TNXB: variants seen among roughly 807,000 people sequenced by gnomAD.
TNXB encodes the protein tenascin-X.
TNXB carries 183 observed loss-of-function variants against 340.5 expected under a neutral mutation model. That is an observed-to-expected ratio of 0.54 (90% confidence interval 0.48 to 0.61). TNXB has a LOEUF of 0.61. TNXB is among the 20% of genes least tolerant of loss of function. The probability of loss-of-function intolerance (pLI) is 0.00; values close to 1 mark genes in which losing one functional copy is unlikely to be tolerated. For synonymous variants in TNXB, 2,121 were observed against 2,314.5 expected (o/e 0.92, Z 2.40); for missense variants, 4,613 against 5,446.4 (o/e 0.85, Z 4.82).
chr6:32,083,486 T>C lies in TNXB; in HGVS notation c.3445+927A>G, dbSNP rs180937192. On this transcript the variant is annotated intron_variant, in intron 8 of 43. Transcript: ENST00000644971. This position sits in a 1 kb window ranked among gnomAD's most constrained non-coding sequence, Gnocchi z 4.6. ...TATTTATGTAAGTGTCTCTTAGATA[T>C]TGATCTAAGTTTATCTAAGGCGTTG... 7.2e-5 allele frequency among the ~76,000 whole-genome samples: 11 copies of C among 152,294 alleles called. No individual in the cohort carries two copies. The highest frequency in any genetic ancestry group is 4.6e-4 in the Admixed American group (7 of 15,300).
rs1235470292 is a variant in TNXB at position 32,070,157 on chromosome 6, G to A, written c.5248C>T (p.His1750Tyr). The change falls in exon 14 of 44, where the codon CAT becomes TAT. Residue 1750 changes from histidine (H) to tyrosine (Y), a missense_variant. Transcript: ENST00000644971. The surrounding 1 kb of genome is among the most constrained non-coding windows in gnomAD (Gnocchi z 6.0). The stretch of plus-strand genomic sequence containing the variant: ...GTGCCGTCGGCAGTGAGAGGGCCAT[G>A]GCGCTTCTTGCCCAGGAGGCCATAG... ...LLYGLLGKKR[H>Y]GPLTADGTTE... 6.9e-6 allele frequency: 11 copies of A among 1,596,298 alleles called. No individual in the cohort carries two copies. Among genetic ancestry groups the A allele is most frequent in the Non-Finnish European group, 7.7e-6 (9 of 1,169,462 alleles).
rs897473172 is a variant in TNXB at position 32,097,504 on chromosome 6, G to A, written c.404-55C>T. ...GTCTCTCTCCTGGGAGAGAGGCTGA[G>A]CCTATGTAGTGCTCCTATGTGCAGG... is the stretch of plus-strand genomic sequence containing the variant. On this transcript the variant is annotated intron_variant, in intron 2 of 43. Transcript: ENST00000644971. The surrounding 1 kb of genome is among the most constrained non-coding windows in gnomAD (Gnocchi z 5.9). 1.3e-6 allele frequency: 2 copies of A among 1,546,502 alleles called. No homozygotes were observed. The highest frequency in any genetic ancestry group is 1.8e-5 in the Admixed American group (1 of 56,476).
Position 32,050,138 on chromosome 6 carries a change from T to C in TNXB, c.9299A>G (p.Gln3100Arg), listed in dbSNP as rs538299027. Residue 3100 changes from glutamine to arginine, a missense_variant, in exon 27 of 44, where the codon CAG becomes CGG. Gln to Arg is a conservative substitution (Grantham distance 43). Transcript: ENST00000644971. ...CCCCGGCACCCGCACCGCCTTGGGC[T>C]GCCCATCCCCATTCCTGTACTGGAC... ...FLVQYRNGDGQPKAVRVPGHE... is the reference protein window; with the variant it reads ...FLVQYRNGDGRPKAVRVPGHE... 3.1e-6 allele frequency: 5 copies of C among 1,613,856 alleles called. No homozygotes were observed. The highest frequency in any genetic ancestry group is 1.7e-5 in the Admixed American group (1 of 60,030).
rs370330613 is a variant in TNXB, at chr6:32,046,272, G to A, written c.10509C>T (p.Thr3503=). The A allele has an allele frequency of 6.8e-6, 11 of 1,606,150 alleles. No individual in the cohort carries two copies. The highest frequency in any genetic ancestry group is 2.2e-5 in the South Asian group (2 of 89,612). Reference sequence around the variant, plus strand: ...TCTTGCCAGGCTCCAGGTCCTCTACGGTGACTGTGCGCTGGTCTGCGGCCA... The same window carrying A: ...TCTTGCCAGGCTCCAGGTCCTCTACAGTGACTGTGCGCTGGTCTGCGGCCA... ...VPVAADQRTV[T]VEDLEPGKKY... is the part of the protein sequence containing the mutation. Residue 3503 remains threonine (T), a synonymous_variant, in exon 31 of 44, where the codon ACC becomes ACT. Transcript: ENST00000644971. This position sits in a 1 kb window ranked among gnomAD's most constrained non-coding sequence, Gnocchi z 6.9.
chr6:32,057,104 C>T (rs1159436382), intron 22 of TNXB, among the ~76,000 whole-genome samples: 1 of 151,724 alleles, frequency 6.6e-6, no homozygotes, highest in East Asian at 1.9e-4. Flanking sequence ...GCCCCCACCT[C>T]ACCCCCACCT....
chr6:32,065,024 G>T lies in TNXB; in HGVS notation c.6638C>A (p.Ser2213Tyr). Reference sequence around the variant, plus strand: ...AAACTGGCCCTCGGGGACTGTCCAGGAGAGGCTGAGGGAGTCGGAGGTGAT... The same window carrying T: ...AAACTGGCCCTCGGGGACTGTCCAGTAGAGGCTGAGGGAGTCGGAGGTGAT... The part of the protein sequence containing the change: ...RDITSDSLSL[S>Y]WTVPEGQFDH... Residue 2213 changes from serine to tyrosine, a missense_variant, in exon 19 of 44, where the codon TCC becomes TAC. Physicochemically the swap from Ser to Tyr is moderately radical, Grantham distance 144. Coordinates refer to ENST00000644971, the MANE Select transcript of TNXB (RefSeq NM_001365276.2). The T allele has an allele frequency of 1.2e-6, 2 of 1,610,196 alleles. No homozygotes were observed. The highest frequency in any genetic ancestry group is 1.7e-6 in the Non-Finnish European group (2 of 1,178,668).
chr6:32,106,233 G>A (rs1780973586), intron 1 of TNXB, among the ~76,000 whole-genome samples: 1 of 151,986 alleles, frequency 6.6e-6, no homozygotes, highest in Non-Finnish European at 1.5e-5. Context: ...GCAGGGATTG[G>A]GGAGCACACA....
chr6:32,101,164 A>G (rs1780702504), intron 1 of TNXB, among the ~76,000 whole-genome samples: 1 of 152,156 alleles, frequency 6.6e-6, no homozygotes, highest in Admixed American at 6.5e-5. Context: ...TCAAAAGACA[A>G]ACAGGTACTC....
Position 32,062,188 on chromosome 6 carries a change from A to G in TNXB, c.7137T>C (p.Arg2379=), listed in dbSNP as rs1398419017. Residue 2379 remains arginine, a synonymous_variant, in exon 20 of 44, where the codon CGT becomes CGC. Transcript: ENST00000644971. The surrounding 1 kb of genome is among the most constrained non-coding windows in gnomAD (Gnocchi z 4.3). ...CCCCGATGGCAGACACGGGGCCCAC[A>G]CGCTGGCCACCGTGGAAGCCGTACA... ...MNLYGFHGGQ[R]VGPVSAIGVT... is the part of the protein sequence containing the mutation. 2.5e-6 allele frequency: 4 copies of G among 1,612,058 alleles called. No homozygotes were observed. The highest frequency in any genetic ancestry group is 1.7e-6 in the Non-Finnish European group (2 of 1,179,214).
intron 22 of TNXB, 147 bp from the exon 23 acceptor site, chr6:32,057,050 T>C (rs569603275): frequency 2.9e-5 from 32 of 1,092,440 alleles, no homozygotes; most frequent in African/African-American, 2.8e-4. Context: ...TCCTCTCCTC[T>C]CCTGTGGCCT....
At position 32,058,028 on chromosome 6, in the gene TNXB, T is replaced by TGC; in HGVS notation, c.7825+29_7825+30insGC. On this transcript the variant is annotated intron_variant, in intron 22 of 43. Coordinates refer to ENST00000644971, the MANE Select transcript of TNXB (RefSeq NM_001365276.2). The surrounding 1 kb of genome is among the most constrained non-coding windows in gnomAD (Gnocchi z 5.1). Reference sequence around the variant, plus strand: ...AAGGGCACATTTTCTAGGGCTGTCTTCCAACCCTGCCCCACCCACACTCAC... The same window carrying TGC: ...AAGGGCACATTTTCTAGGGCTGTCTTGCCCAACCCTGCCCCACCCACACTCAC... 9 of 1,577,012 alleles carry TGC rather than the reference T, an allele frequency of 5.7e-6. No individual in the cohort carries two copies. The highest frequency in any genetic ancestry group is 7.7e-6 in the Non-Finnish European group (9 of 1,162,830).
Position 32,070,244 on chromosome 6 carries a change from C to A in TNXB, c.5161G>T (p.Gly1721Cys). 2 of 1,612,882 alleles carry A rather than the reference C, an allele frequency of 1.2e-6. No individual in the cohort carries two copies. Among genetic ancestry groups the A allele is most frequent in the East Asian group, 2.2e-5 (1 of 44,838 alleles). The change falls in exon 14 of 44, where the codon GGC becomes TGC. Residue 1721 changes from glycine to cysteine, a missense_variant. Gly to Cys is a radical substitution (Grantham distance 159, BLOSUM62 -3). Transcript: ENST00000644971. This position sits in a 1 kb window ranked among gnomAD's most constrained non-coding sequence, Gnocchi z 6.0. ...KDGPQVVPVEGHERSVTVTPL... is the reference protein window; with the variant it reads ...KDGPQVVPVECHERSVTVTPL... ...GTGACAGTGACAGAGCGCTCATGGC[C>A]CTCCACGGGCACCACCTGGGGCCCG...
rs1778813856 is a variant in TNXB, at chr6:32,072,162, G to C, written c.4818C>G (p.Ser1606=). The change falls in exon 13 of 44, where the codon TCC becomes TCG. Residue 1606 remains serine, a synonymous_variant. Coordinates refer to ENST00000644971, the MANE Select transcript of TNXB (RefSeq NM_001365276.2). The surrounding 1 kb of genome is among the most constrained non-coding windows in gnomAD (Gnocchi z 4.4). ...SWTVPEGEFD[S]FVVQYKDRDG... is the part of the protein sequence containing the mutation. The stretch of plus-strand genomic sequence containing the variant: ...CCCTGTCCTTGTACTGAACCACAAA[G>C]GAGTCGAATTCACCCTCAGGGACTG... The C allele has an allele frequency of 6.2e-7, 1 of 1,613,458 alleles. No individual in the cohort carries two copies. Among genetic ancestry groups the C allele is most frequent in the African/African-American group, 1.3e-5 (1 of 74,930 alleles).
chr6:32,079,269 A>G lies in TNXB; in HGVS notation c.4139T>C (p.Val1380Ala). 1 of 1,613,354 alleles carries G rather than the reference A, an allele frequency of 6.2e-7. No homozygotes were observed. The highest frequency in any genetic ancestry group is 2.2e-5 in the East Asian group (1 of 44,872). The change falls in exon 11 of 44, where the codon GTG (valine) becomes GCG (alanine). Residue 1380 changes from valine (V) to alanine (A), a missense_variant. Transcript: ENST00000644971. The surrounding 1 kb of genome is among the most constrained non-coding windows in gnomAD (Gnocchi z 7.1). ...PEEPLLGELT[V>A]TGSSPDSLSL... ...CAGCGAATCAGGGGAGGATCCTGTCACTGTCAGCTCCCCCAGGAGCGGCTC... is the reference window on the plus strand; with the variant it reads ...CAGCGAATCAGGGGAGGATCCTGTCGCTGTCAGCTCCCCCAGGAGCGGCTC...
chr6:32,043,400 T>C, intron 36 of TNXB, 37 bp downstream of exon 36: 2 of 471,752 alleles, frequency 4.2e-6, no homozygotes, highest in Non-Finnish European at 7.2e-6. Flanking sequence ...ATCCCCACCC[T>C]GAACAAGTCC....
Position 32,084,998 on chromosome 6 carries a change from A to C in TNXB, c.3149-289T>G, listed in dbSNP as rs1779691262. On this transcript the variant is annotated intron_variant, in intron 7 of 43. Coordinates refer to ENST00000644971, the MANE Select transcript of TNXB (RefSeq NM_001365276.2). This position sits in a 1 kb window ranked among gnomAD's most constrained non-coding sequence, Gnocchi z 5.5. ...CCCCCTGGTTCTGAATGAGAGTTTCAAGCCTCCCTGCTGCAGCATCAGAGC... is the reference window on the plus strand; with the variant it reads ...CCCCCTGGTTCTGAATGAGAGTTTCCAGCCTCCCTGCTGCAGCATCAGAGC... Among the ~76,000 whole-genome samples the C allele has an allele frequency of 2.0e-5, 3 of 151,952 alleles. No individual in the cohort carries two copies. In the South Asian group the frequency reaches 6.2e-4, roughly 32 times the overall value.
In TNXB at chr6:32,084,590, C is replaced by A; in HGVS notation, c.3268G>T (p.Asp1090Tyr). ...LRWTVPEGEF[D>Y]SFVIQYKDRD... is the part of the protein sequence containing the mutation. ...TCTTTGTACTGGATCACGAAGGAGT[C>A]AAACTCGCCCTCGGGGACCGTCCAG... Residue 1090 changes from aspartate (D) to tyrosine (Y), a missense_variant, in exon 8 of 44, where the codon GAC becomes TAC. Asp to Tyr is a radical substitution (Grantham distance 160). Around this residue, in one of 7 missense-constraint regions of TNXB, gnomAD observed 4,327 missense variants for 4,859.4 expected, o/e 0.89. Transcript: ENST00000644971. This position sits in a 1 kb window ranked among gnomAD's most constrained non-coding sequence, Gnocchi z 5.5. 6.2e-7 allele frequency: 1 copy of A among 1,608,360 alleles called. No homozygotes were observed. Among genetic ancestry groups the A allele is most frequent in the Non-Finnish European group, 8.5e-7 (1 of 1,178,496 alleles).
In TNXB at chr6:32,058,214, T is replaced by C; in HGVS notation, c.7669A>G (p.Lys2557Glu). Reference protein sequence around the residue: ...GRFDSFTVQYKDRDGRPQAVR... With the variant: ...GRFDSFTVQYEDRDGRPQAVR... ...GCCTGGGGCCGCCCGTCCCTGTCCT[T>C]GTACTGCACGGTGAAGGAGTCAAAG... Residue 2557 changes from lysine to glutamate, a missense_variant, in exon 22 of 44, where the codon AAG becomes GAG. Physicochemically the swap from Lys to Glu is moderately conservative, Grantham distance 56. Around this residue, in one of 7 missense-constraint regions of TNXB, gnomAD observed 4,327 missense variants for 4,859.4 expected, o/e 0.89. Coordinates refer to ENST00000644971, the MANE Select transcript of TNXB (RefSeq NM_001365276.2). This position sits in a 1 kb window ranked among gnomAD's most constrained non-coding sequence, Gnocchi z 5.1. The C allele has an allele frequency of 1.2e-6, 2 of 1,612,460 alleles. No individual in the cohort carries two copies. The highest frequency in any genetic ancestry group is 1.1e-5 in the South Asian group (1 of 91,064).
rs1412735689 is a variant in TNXB at position 32,073,414 on chromosome 6, C to CG, written c.4681+232dup. On this transcript the variant is annotated intron_variant, in intron 12 of 43. Transcript: ENST00000644971. The surrounding 1 kb of genome is among the most constrained non-coding windows in gnomAD (Gnocchi z 4.6). Reference sequence around the variant, plus strand: ...AATGGAAATAAGACATTCCCCTGGGCGGGGGGCAGAGTGGAGATGGGGAAG... The same window carrying CG: ...AATGGAAATAAGACATTCCCCTGGGCGGGGGGGCAGAGTGGAGATGGGGAAG... Among the ~76,000 whole-genome samples the CG allele has an allele frequency of 3.3e-5, 5 of 151,960 alleles. No homozygotes were observed. The highest frequency in any genetic ancestry group is 6.5e-5 in the Admixed American group (1 of 15,280).
Sources: allele counts gnomAD v4.1 joint callset (sites outside exome capture counted in the v4.1 genomes callset), GRCh38; gene constraint gnomAD v4.1.1; regional missense constraint gnomAD v4.1.1; non-coding constraint Gnocchi (gnomAD v3.1); transcripts MANE v1.5; gene names NCBI Gene and HGNC (gene_info 2026-07-23, HGNC 2026-07-21).